Variants in EIPR1 observed in about 807,000 individuals in gnomAD.
EIPR1 encodes EARP and GARP complex-interacting protein 1.
In EIPR1, 25 loss-of-function variants were observed where a neutral mutation model predicts 48.1. That is an observed-to-expected ratio of 0.52 (90% CI 0.38 to 0.73). The LOEUF is 0.73. EIPR1 is among the 30% of genes least tolerant of loss of function. EIPR1 has a pLI of 0.00. For missense variants in EIPR1, 415 were observed against 506.2 expected (o/e 0.82, Z 1.73); for synonymous variants, 204 against 201.9 (o/e 1.01, Z -0.09).
chr2:3,258,954 T>G (rs1323704683), intron 3 of EIPR1, among the ~76,000 whole-genome samples: 1 of 152,064 alleles, frequency 6.6e-6, no homozygotes, highest in Non-Finnish European at 1.5e-5. Flanking sequence ...TTGCTGAAAT[T>G]TTCAGTTACA....
chr2:3,328,111 C>T (rs531388653), intron 3 of EIPR1, among the ~76,000 whole-genome samples: 12 of 152,252 alleles, frequency 7.9e-5, no homozygotes, highest in East Asian at 1.9e-4. Context: ...CCTGGGGAGC[C>T]GTGGGAAGCT....
At chr2:3,318,687 G>T (rs1669393417) in intron 3 of EIPR1, among the ~76,000 whole-genome samples, 1 of 152,126 alleles carries the variant, frequency 6.6e-6, no homozygotes. Context: ...CCAGAACCAG[G>T]ACTCTCATTC....
intron 1 of EIPR1, among the ~76,000 whole-genome samples, chr2:3,375,409 A>AC (rs1659842998): frequency 6.6e-6 from 1 of 152,202 alleles, no homozygotes; most frequent in Non-Finnish European, 1.5e-5. Context: ...GAGAGAAAAA[A>AC]AAGAAAATAA....
intron 2 of EIPR1, among the ~76,000 whole-genome samples, chr2:3,350,945 C>CAAAAAAA (rs11344032): frequency 8.2e-6 from 1 of 122,362 alleles, no homozygotes; most frequent in Non-Finnish European, 1.6e-5. Context: ...TACTTCGTTC[C>CAAAAAAA]AAAAAAAAAA....
intron 4 of EIPR1, among the ~76,000 whole-genome samples, chr2:3,243,663 ATT>A (rs923759332): frequency 6.6e-6 from 1 of 151,948 alleles, no homozygotes; most frequent in African/African-American, 2.4e-5. Context: ...TAAATTAAAA[ATT>A]TTTTTTAAAA....
At chr2:3,269,218 C>T (rs1667591141) in intron 3 of EIPR1, among the ~76,000 whole-genome samples, 1 of 152,026 alleles carries the variant, frequency 6.6e-6, no homozygotes, top group Non-Finnish European at 1.5e-5. Context: ...TCAATCATCG[C>T]ACTCAATCAT....
chr2:3,367,199 T>C (rs1670996593), intron 1 of EIPR1, among the ~76,000 whole-genome samples: 1 of 152,142 alleles, frequency 6.6e-6, no homozygotes, highest in African/African-American at 2.4e-5. Context: ...AGGGTGCGTC[T>C]TGGGTGGGTA....
chr2:3,225,548 A>G (rs999678024), intron 4 of EIPR1, among the ~76,000 whole-genome samples: 1 of 152,214 alleles, frequency 6.6e-6, no homozygotes, highest in Non-Finnish European at 1.5e-5. Context: ...GCCTGGCCGC[A>G]ATGTGATGTT....
At chr2:3,298,539 G>A (rs894488020) in intron 3 of EIPR1, 2 of 152,038 alleles carry the variant, frequency 1.3e-5, no homozygotes, top group Admixed American at 6.5e-5. Context: ...TTACGATCTC[G>A]ATGGTGTTGG....
intron 1 of EIPR1, among the ~76,000 whole-genome samples, chr2:3,368,819 C>A (rs1466287878): frequency 6.6e-6 from 1 of 152,096 alleles, no homozygotes; most frequent in East Asian, 1.9e-4. Flanking sequence ...TCATGCATTT[C>A]AAATATAATT....
chr2:3,231,376 A>G (rs935480307), intron 4 of EIPR1, among the ~76,000 whole-genome samples: 4 of 152,184 alleles, frequency 2.6e-5, no homozygotes, highest in East Asian at 1.9e-4. Context: ...TCCAGTTATT[A>G]TGATGGATAA....
Position 3,194,086 on chromosome 2 carries a change from G to A in EIPR1, c.734C>T (p.Ala245Val). 1 of 1,613,932 alleles carries A rather than the reference G, an allele frequency of 6.2e-7. No homozygotes were observed. Among genetic ancestry groups the A allele is most frequent in the Non-Finnish European group, 8.5e-7 (1 of 1,180,014 alleles). The change falls in exon 7 of 9, where the codon GCC becomes GTC. Residue 245 changes from alanine to valine, a missense_variant. By Grantham distance (64) the Ala-to-Val change is moderately conservative. Coordinates refer to ENST00000382125, the MANE Select transcript of EIPR1 (RefSeq NM_003310.5). The part of the protein sequence containing the change: ...DFNPNKQYYL[A>V]SCGDDCKVKF... ...CACCTTACAGTCGTCTCCGCAGCTG[G>A]CCAAGTAGTACTGCTTATTGGGATT...
At chr2:3,322,143 G>A (rs539544009) in intron 3 of EIPR1, among the ~76,000 whole-genome samples, 6 of 152,314 alleles carry the variant, frequency 3.9e-5, no homozygotes, top group South Asian at 2.1e-4. Context: ...AGGTCAGCAC[G>A]GTCCTCCCCT....
chr2:3,323,481 C>T (rs1301656151), intron 3 of EIPR1, among the ~76,000 whole-genome samples: 1 of 152,222 alleles, frequency 6.6e-6, no homozygotes, highest in Non-Finnish European at 1.5e-5. Flanking sequence ...CCTCCGAGCC[C>T]TGCACGCGAC....
At chr2:3,258,387 C>G (rs1186058230) in intron 3 of EIPR1, among the ~76,000 whole-genome samples, 1 of 152,172 alleles carries the variant, frequency 6.6e-6, no homozygotes, top group Non-Finnish European at 1.5e-5. Flanking sequence ...AAACACCTCT[C>G]CCTTTTAAAG....
rs114628184 is a variant in EIPR1, at chr2:3,224,379, A to G, written c.417-10131T>C. Among the ~76,000 whole-genome samples the G allele has an allele frequency of 7.3e-3, 1,106 of 152,316 alleles. 10 individuals are homozygous for G. Among genetic ancestry groups the G allele is most frequent in the Middle Eastern group, 0.051 (15 of 294 alleles). On this transcript the variant is annotated intron_variant, in intron 4 of 8. Coordinates refer to ENST00000382125, the MANE Select transcript of EIPR1 (RefSeq NM_003310.5). ...GCCCGGCTTTACCTCTAATAGTCAC[A>G]TCCGCCTTACTTTACACCTTAGGTT...
At chr2:3,247,741 G>T (rs1314859305) in intron 4 of EIPR1, among the ~76,000 whole-genome samples, 1 of 152,130 alleles carries the variant, frequency 6.6e-6, no homozygotes, top group Non-Finnish European at 1.5e-5. Context: ...GACTCAGGGA[G>T]AAACCTAATC....
At chr2:3,333,578 A>T (rs1669959737) in intron 3 of EIPR1, among the ~76,000 whole-genome samples, 1 of 151,988 alleles carries the variant, frequency 6.6e-6, no homozygotes, top group African/African-American at 2.4e-5. Context: ...CTCTACTAGA[A>T]ATTTTTTTAA....
chr2:3,360,762 G>A (rs1176180038), intron 1 of EIPR1, among the ~76,000 whole-genome samples: 4 of 152,176 alleles, frequency 2.6e-5, no homozygotes, highest in African/African-American at 9.7e-5. Flanking sequence ...AGGAGGGCAG[G>A]TGGAGAGGGG....
Sources: allele counts gnomAD v4.1 joint callset (sites outside exome capture counted in the v4.1 genomes callset), GRCh38; gene constraint gnomAD v4.1.1; transcripts MANE v1.5; gene names NCBI Gene and HGNC (gene_info 2026-07-23, HGNC 2026-07-21).